The following PCDHA10 variants were observed in gnomAD, a reference collection of about 807,000 sequenced individuals.
PCDHA10 encodes protocadherin alpha 10, also known as protocadherin alpha-10.
Under a neutral mutation model 61.2 loss-of-function variants are expected in PCDHA10, and 45 were observed. The ratio of observed to expected loss-of-function variants is 0.74; its 90% CI spans 0.58 to 0.94. PCDHA10 has a LOEUF of 0.94. Ranked by LOEUF, PCDHA10 falls within the 40% of genes least tolerant of loss-of-function variation. PCDHA10 has a pLI of 0.00. For synonymous variants in PCDHA10, 602 were observed against 548.8 expected (o/e 1.10, Z -1.35); for missense variants, 1,278 against 1,236.2 (o/e 1.03, Z -0.51).
intron 1 of PCDHA10, chr5:140,871,118 G>C (rs1554165149): frequency 6.2e-7 from 1 of 1,613,306 alleles, no homozygotes; most frequent in East Asian, 2.2e-5. Flanking sequence ...GTGGAGAGCG[G>C]ACAGGCGCCA....
At chr5:140,877,724 C>A in intron 1 of PCDHA10, 1 of 1,614,150 alleles carries the variant, frequency 6.2e-7, no homozygotes, top group Non-Finnish European at 8.5e-7. Context: ...TGGTCTTACT[C>A]GCAGCAGAGG....
intron 1 of PCDHA10, among the ~76,000 whole-genome samples, chr5:140,941,602 A>G (rs1364169026): frequency 1.3e-5 from 2 of 151,994 alleles, no homozygotes; most frequent in African/African-American, 4.8e-5. Flanking sequence ...GCCATGAGCC[A>G]TGGTGCCCAG....
intron 1 of PCDHA10, among the ~76,000 whole-genome samples, chr5:140,890,587 G>T (rs2062701287): frequency 6.6e-6 from 1 of 151,988 alleles, no homozygotes; most frequent in African/African-American, 2.4e-5. Flanking sequence ...TTATTTGGAA[G>T]CCCTTTTCCG....
At chr5:140,937,150 G>C (rs2153631833) in intron 1 of PCDHA10, among the ~76,000 whole-genome samples, 1 of 149,812 alleles carries the variant, frequency 6.7e-6, no homozygotes, top group East Asian at 2.0e-4. Context: ...CCATTCTCCT[G>C]CCTCAGCCTC....
At chr5:140,923,275 C>T (rs1296197801) in intron 1 of PCDHA10, among the ~76,000 whole-genome samples, 1 of 152,128 alleles carries the variant, frequency 6.6e-6, no homozygotes, top group African/African-American at 2.4e-5. Flanking sequence ...CTTGTCTCTA[C>T]AAAAAATTAA....
chr5:140,896,721 T>C (rs774174943), intron 1 of PCDHA10, among the ~76,000 whole-genome samples: 1 of 152,176 alleles, frequency 6.6e-6, no homozygotes, highest in Non-Finnish European at 1.5e-5. Flanking sequence ...TGCTTGTTAA[T>C]TTGTTTAAGT....
At chr5:141,006,073 T>G (rs2098254106) in intron 3 of PCDHA10, among the ~76,000 whole-genome samples, 1 of 151,712 alleles carries the variant, frequency 6.6e-6, no homozygotes, top group Non-Finnish European at 1.5e-5. Context: ...AAAAATCAGA[T>G]TATTGAAGGG....
intron 1 of PCDHA10, among the ~76,000 whole-genome samples, chr5:140,956,131 C>A (rs2095258276): frequency 6.6e-6 from 1 of 152,096 alleles, no homozygotes; most frequent in African/African-American, 2.4e-5. Flanking sequence ...TATTTGAATA[C>A]CCTTTATTTC....
chr5:140,910,022 C>G (rs2074840302), intron 1 of PCDHA10, among the ~76,000 whole-genome samples: 1 of 152,174 alleles, frequency 6.6e-6, no homozygotes, highest in South Asian at 2.1e-4. Context: ...CCTTGTATCC[C>G]TGGGATAAAT....
At chr5:140,985,180 G>A (rs782679962) in intron 3 of PCDHA10, among the ~76,000 whole-genome samples, 1 of 152,028 alleles carries the variant, frequency 6.6e-6, no homozygotes, top group Non-Finnish European at 1.5e-5. Flanking sequence ...CTCGTAATCC[G>A]CCTGCCTCGG....
intron 1 of PCDHA10, among the ~76,000 whole-genome samples, chr5:140,881,880 C>G (rs1157311188): frequency 6.6e-6 from 1 of 152,210 alleles, no homozygotes; most frequent in Non-Finnish European, 1.5e-5. Flanking sequence ...AAATGAAACT[C>G]ATCAACCAAT....
Position 140,857,495 on chromosome 5 carries a change from G to T in PCDHA10, c.1447G>T (p.Ala483Ser). The T allele has an allele frequency of 6.3e-7, 1 of 1,598,344 alleles. No homozygotes were observed. The highest frequency in any genetic ancestry group is 8.6e-7 in the Non-Finnish European group (1 of 1,167,810). The change falls in exon 1 of 4, where the codon GCG (alanine) becomes TCG (serine). Residue 483 changes from alanine (A) to serine (S), a missense_variant. Transcript: ENST00000307360. The stretch of plus-strand genomic sequence containing the variant: ...CACGGTGTCTGCGTGGGACGCGGAC[G>T]CGCAGGAGAACGCCCTGGTGTCCTA... The part of the protein sequence containing the change: ...IFTVSAWDAD[A>S]QENALVSYSL...
At chr5:140,999,713 G>A (rs533034174) in intron 3 of PCDHA10, among the ~76,000 whole-genome samples, 2 of 152,226 alleles carry the variant, frequency 1.3e-5, no homozygotes, top group South Asian at 4.2e-4. Flanking sequence ...AGCTAACTAC[G>A]GAGACCAGCC....
chr5:140,868,989 C>A (rs1280457697), intron 1 of PCDHA10: 91 of 1,506,736 alleles, frequency 6.0e-5, no homozygotes, highest in Non-Finnish European at 7.5e-5. Context: ...CGGATGCCAC[C>A]GTTTAAGGAT....
At chr5:140,949,634 G>A (rs1172841481) in intron 1 of PCDHA10, among the ~76,000 whole-genome samples, 3 of 151,562 alleles carry the variant, frequency 2.0e-5, no homozygotes, top group East Asian at 1.9e-4. Flanking sequence ...ATGGCATATT[G>A]CTTTTTGTTC....
chr5:140,874,093 TG>T, intron 1 of PCDHA10, among the ~76,000 whole-genome samples: 2 of 152,364 alleles, frequency 1.3e-5, no homozygotes, highest in Middle Eastern at 6.8e-3. Context: ...AATTCAAATA[TG>T]TTTTTAATTA....
rs782128989 is a variant in PCDHA10, at chr5:140,856,967, A to G, written c.919A>G (p.Ile307Val). Residue 307 changes from isoleucine to valine, a missense_variant, in exon 1 of 4, where the codon ATT (isoleucine) becomes GTT (valine). Transcript: ENST00000307360. ...RTGEIKVNDAIDFEDSNTYEI... is the reference protein window; with the variant it reads ...RTGEIKVNDAVDFEDSNTYEI... Reference sequence around the variant, plus strand: ...GGGAGAAATAAAAGTAAATGATGCTATTGACTTTGAGGACAGTAACACTTA... The same window carrying G: ...GGGAGAAATAAAAGTAAATGATGCTGTTGACTTTGAGGACAGTAACACTTA... 1.3e-6 allele frequency: 2 copies of G among 1,593,606 alleles called. No individual in the cohort carries two copies. The highest frequency in any genetic ancestry group is 1.7e-6 in the Non-Finnish European group (2 of 1,163,600).
intron 1 of PCDHA10, chr5:140,876,304 TCCTATGGGATC>T (rs1173311877): frequency 1.9e-6 from 3 of 1,613,956 alleles, no homozygotes; most frequent in Non-Finnish European, 2.5e-6. Context: ...TGGAGAAATT[TCCTATGGGATC>T]AAAATGATTT....
At chr5:140,886,951 C>T (rs1277166050) in intron 1 of PCDHA10, among the ~76,000 whole-genome samples, 1 of 151,696 alleles carries the variant, frequency 6.6e-6, no homozygotes, top group Non-Finnish European at 1.5e-5. Flanking sequence ...ACACATTAGA[C>T]ATTTAGCAAC....
Sources: allele counts gnomAD v4.1 joint callset (sites outside exome capture counted in the v4.1 genomes callset), GRCh38; gene constraint gnomAD v4.1.1; transcripts MANE v1.5; gene names NCBI Gene and HGNC (gene_info 2026-07-23, HGNC 2026-07-21).